Variants in RIMS3 observed in about 807,000 individuals in gnomAD.
RIMS3 encodes regulating synaptic membrane exocytosis 3.
Under a neutral mutation model 29.2 loss-of-function variants are expected in RIMS3, and 15 were observed. That is an observed-to-expected ratio of 0.51 (90% CI 0.34 to 0.79). The LOEUF is 0.79. Among genes scored for constraint, RIMS3 ranks in the 30% least tolerant of loss-of-function variants. The pLI, the probability that RIMS3 is intolerant of heterozygous loss-of-function variation, is 0.01. For synonymous variants in RIMS3, 161 were observed against 170.1 expected, an observed-to-expected ratio of 0.95 and a Z score of 0.41; for missense variants, 342 against 421.4, an observed-to-expected ratio of 0.81 and a Z score of 1.65.
At chr1:40,685,815 T>A in the RIMS3 span, among the ~76,000 whole-genome samples, 8 of 150,902 alleles carry the variant, frequency 5.3e-5, no homozygotes, top group Non-Finnish European at 8.9e-5. Context: ...AATACATAGA[T>A]GAAGAAGGAT....
At chr1:40,626,898 C>A (rs560488842) in intron 7 of RIMS3, among the ~76,000 whole-genome samples, 169 bp from the exon 8 acceptor site, 1 of 152,168 alleles carries the variant, frequency 6.6e-6, no homozygotes, top group Non-Finnish European at 1.5e-5. Context: ...GTGTTAGATA[C>A]GATCCTATGG....
chr1:40,664,087 T>A (rs1281537994), intron 1 of RIMS3, among the ~76,000 whole-genome samples: 1 of 152,104 alleles, frequency 6.6e-6, no homozygotes, highest in Non-Finnish European at 1.5e-5. Context: ...AAGGGTCGGA[T>A]AAGTGTAGAA....
chr1:40,685,285 TAA>T, the RIMS3 span, among the ~76,000 whole-genome samples: 48 of 50,362 alleles, frequency 9.5e-4, no homozygotes, highest in African/African-American at 4.0e-3. Flanking sequence ...CATAATTTAT[TAA>T]TATATATATT....
chr1:40,647,130 C>T (rs1265445871), intron 2 of RIMS3, among the ~76,000 whole-genome samples: 10 of 152,108 alleles, frequency 6.6e-5, no homozygotes, highest in Non-Finnish European at 4.4e-5. Context: ...CTGCCCACCT[C>T]GGCCTCCCAA....
the RIMS3 span, among the ~76,000 whole-genome samples, chr1:40,685,153 T>G: frequency 6.6e-6 from 1 of 151,720 alleles, no homozygotes. Flanking sequence ...CTGTGGCTAA[T>G]GGGGTACAGA....
chr1:40,626,623 T>C lies in RIMS3; in HGVS notation c.821A>G (p.Tyr274Cys). The C allele has an allele frequency of 1.2e-6, 2 of 1,614,162 alleles. No individual in the cohort carries two copies. The highest frequency in any genetic ancestry group is 1.7e-6 in the Non-Finnish European group (2 of 1,180,028). Residue 274 changes from tyrosine (Y) to cysteine (C), a missense_variant, in exon 8 of 8, where the codon TAC becomes TGC. By Grantham distance (194) the Tyr-to-Cys change is radical (BLOSUM62 -2). Transcript: ENST00000372684. The part of the protein sequence containing the change: ...LDLSAAVTGW[Y>C]KLFPTSSVAD... Reference sequence around the variant, plus strand: ...CACTGAGGAGGTGGGGAAGAGTTTGTACCAGCCGGTGACCGCGGCGCTGAG... The same window carrying C: ...CACTGAGGAGGTGGGGAAGAGTTTGCACCAGCCGGTGACCGCGGCGCTGAG...
intron 1 of RIMS3, among the ~76,000 whole-genome samples, chr1:40,660,932 C>G (rs1304999272): frequency 6.6e-6 from 1 of 152,062 alleles, no homozygotes. Flanking sequence ...GGATTTGGCT[C>G]CCCATCTCCT....
intron 2 of RIMS3, among the ~76,000 whole-genome samples, chr1:40,643,833 G>C (rs1016730472): frequency 5.3e-5 from 8 of 152,046 alleles, no homozygotes; most frequent in African/African-American, 1.9e-4. Context: ...CTGATTCCTC[G>C]AAATGGAACG....
intron 4 of RIMS3, 134 bp from the exon 5 acceptor site, chr1:40,633,315 G>C: frequency 1.6e-6 from 1 of 634,548 alleles, no homozygotes; most frequent in Non-Finnish European, 2.8e-6. Flanking sequence ...CCTCTAAACA[G>C]TATGATTGCA....
intron 1 of RIMS3, among the ~76,000 whole-genome samples, chr1:40,662,792 G>A (rs968497221): frequency 1.3e-5 from 2 of 152,222 alleles, no homozygotes; most frequent in Admixed American, 6.5e-5. Context: ...AGATGGGGTG[G>A]AGAAGTATGG....
chr1:40,636,316 C>T lies in RIMS3; in HGVS notation c.218-259G>A, dbSNP rs1009996675. On this transcript the variant is annotated intron_variant, in intron 3 of 7. Transcript: ENST00000372684. The surrounding 1 kb of genome is among the most constrained non-coding windows in gnomAD (Gnocchi z 4.2). ...TGCAGGCAGAGTCATGATGGCGCCACCACGCAGAGCCGCAGATCCGCAGCT... is the reference window on the plus strand; with the variant it reads ...TGCAGGCAGAGTCATGATGGCGCCATCACGCAGAGCCGCAGATCCGCAGCT... Among the ~76,000 whole-genome samples the T allele has an allele frequency of 6.6e-6, 1 of 152,052 alleles. No homozygotes were observed. Among genetic ancestry groups the T allele is most frequent in the Admixed American group, 6.5e-5 (1 of 15,280 alleles).
At chr1:40,655,967 C>T (rs1478065686) in intron 1 of RIMS3, among the ~76,000 whole-genome samples, 2 of 152,216 alleles carry the variant, frequency 1.3e-5, no homozygotes, top group Non-Finnish European at 2.9e-5. Flanking sequence ...GAACTAAGAT[C>T]GTGCCACTGC....
At chr1:40,662,637 T>C (rs1202051456) in intron 1 of RIMS3, among the ~76,000 whole-genome samples, 3 of 152,198 alleles carry the variant, frequency 2.0e-5, no homozygotes, top group Non-Finnish European at 4.4e-5. Flanking sequence ...CTCCTTTTCT[T>C]GTCCAGGCTT....
chr1:40,644,423 C>G (rs1400431882), intron 2 of RIMS3, among the ~76,000 whole-genome samples: 3 of 152,214 alleles, frequency 2.0e-5, no homozygotes, highest in African/African-American at 7.2e-5. Context: ...AATTCCCAGG[C>G]CCATGTTGAA....
chr1:40,650,690 C>T (rs1646626227), intron 1 of RIMS3, among the ~76,000 whole-genome samples: 1 of 151,010 alleles, frequency 6.6e-6, no homozygotes, highest in Non-Finnish European at 1.5e-5. Flanking sequence ...GGTAAAACCT[C>T]ATCTCTAAAA....
Position 40,623,993 on chromosome 1 carries a change from A to G in RIMS3, c.*2524T>C, listed in dbSNP as rs945718585. On this transcript the variant is annotated 3_prime_UTR_variant, in exon 8 of 8. Transcript: ENST00000372684. ...AGAGGTGGAATAGTGGAGTGGCCCA[A>G]CTGCTGAGCAGTTTTGGCAGCCAGG... 1 of 152,650 alleles carries G rather than the reference A, an allele frequency of 6.6e-6. No individual in the cohort carries two copies. Among genetic ancestry groups the G allele is most frequent in the Non-Finnish European group, 1.5e-5 (1 of 68,396 alleles). The allele number at this position is 152,650 out of a possible 1,614,324, so 9.5% of individuals were successfully genotyped here. A position where few individuals can be genotyped will look rare whatever the true frequency, so the allele number is the denominator to read the frequency against.
chr1:40,633,134 T>C lies in RIMS3; in HGVS notation c.407A>G (p.Asp136Gly). 6.2e-7 allele frequency: 1 copy of C among 1,614,142 alleles called. No individual in the cohort carries two copies. The change falls in exon 5 of 8, where the codon GAT becomes GGT. Residue 136 changes from aspartate to glycine, a missense_variant. By Grantham distance (94) the Asp-to-Gly change is moderately conservative. Coordinates refer to ENST00000372684, the MANE Select transcript of RIMS3 (RefSeq NM_014747.3). ...AGCTGGTCCCAGCCCATCCAGGAAATCGCTGAACTGGCTTTCAGCCCCTAG... is the reference window on the plus strand; with the variant it reads ...AGCTGGTCCCAGCCCATCCAGGAAACCGCTGAACTGGCTTTCAGCCCCTAG... ...TRLGAESQFS[D>G]FLDGLGPAQI...
At chr1:40,685,335 AATT>A in the RIMS3 span, among the ~76,000 whole-genome samples, 1 of 109,514 alleles carries the variant, frequency 9.1e-6, no homozygotes, top group Admixed American at 9.8e-5. Context: ...TATATAATAT[AATT>A]ATATTATATA....
chr1:40,653,945 C>A (rs954180809), intron 1 of RIMS3, among the ~76,000 whole-genome samples: 3 of 152,280 alleles, frequency 2.0e-5, no homozygotes, highest in African/African-American at 7.2e-5. Flanking sequence ...GGTTCCTCTG[C>A]TCCCCCTTCC....
Sources: gnomAD v4.1 joint callset for allele counts (sites outside exome capture counted in the v4.1 genomes callset) on GRCh38, gnomAD v4.1.1 for gene constraint, Gnocchi (gnomAD v3.1) non-coding constraint, MANE v1.5 for transcripts, NCBI Gene and HGNC (gene_info 2026-07-23, HGNC 2026-07-21) for gene names.